Variants in NOTCH2NLR observed in about 807,000 individuals in gnomAD.
The protein encoded by NOTCH2NLR is notch 2 N-terminal like R, also known as notch 2 N-terminal like R (pseudogene).
Under a neutral mutation model 35.6 loss-of-function variants are expected in NOTCH2NLR, and 33 were observed. That is an observed-to-expected ratio of 0.93 (90% CI 0.70 to 1.24). The LOEUF is 1.24. Ranked by LOEUF, NOTCH2NLR falls within the 50% of genes most tolerant of loss-of-function variation. The pLI is 0.00. For missense variants in NOTCH2NLR, 276 were observed against 362.2 expected, an observed-to-expected ratio of 0.76 and a Z score of 1.93; for synonymous variants, 103 against 141.0, an observed-to-expected ratio of 0.73 and a Z score of 1.91.
chr1:120,763,603 A>G lies in NOTCH2NLR; in HGVS notation c.74-25A>G. The G allele has an allele frequency of 1.9e-6, 2 of 1,079,780 alleles. 1 individual carries two copies. The highest frequency in any genetic ancestry group is 5.0e-5 in the East Asian group (2 of 40,320). 66.9% of individuals were successfully genotyped at this position (1,079,780 alleles called of 1,614,324 possible). A position where few individuals can be genotyped will look rare whatever the true frequency, so the allele number is the denominator to read the frequency against. ...GGGTTATGATTAGTGACTTACTTCT[A>G]ATGTGCATTTGTTTTTATTTTTAGC... On this transcript the variant is annotated intron_variant, in intron 1 of 4. Transcript: ENST00000624419.
At chr1:120,784,204 G>A (rs1651397014) in intron 2 of NOTCH2NLR, among the ~76,000 whole-genome samples, 1 of 118,322 alleles carries the variant, frequency 8.5e-6, no homozygotes, top group African/African-American at 4.9e-5. Flanking sequence ...ATTTTAAATA[G>A]AAATCAAACT....
In NOTCH2NLR at chr1:120,767,744, C is replaced by G. The variant is rs1380745875; in HGVS notation, c.155+4035C>G. Among the ~76,000 whole-genome samples, 3 of 115,896 alleles carry G rather than the reference C, an allele frequency of 2.6e-5. 1 individual carries two copies. Among genetic ancestry groups the G allele is most frequent in the Non-Finnish European group, 4.9e-5 (3 of 60,796 alleles). 76.0% of individuals were successfully genotyped at this position (115,896 alleles called of 152,430 possible). Reference sequence around the variant, plus strand: ...ATCACTTTCAAGTTGTTGTTTGCTTCAGACTTTCAAATATAAACCATTCTA... The same window carrying G: ...ATCACTTTCAAGTTGTTGTTTGCTTGAGACTTTCAAATATAAACCATTCTA... On this transcript the variant is annotated intron_variant, in intron 2 of 4. Transcript: ENST00000624419.
rs2101387277 is a variant in NOTCH2NLR at position 120,754,389 on chromosome 1, A to G, written c.74-9239A>G. Among the ~76,000 whole-genome samples the G allele has an allele frequency of 4.7e-5, 2 of 42,888 alleles. 1 individual carries two copies. Among genetic ancestry groups the G allele is most frequent in the East Asian group, 1.1e-3 (2 of 1,886 alleles). 28.1% of individuals were successfully genotyped at this position (42,888 alleles called of 152,430 possible). A position where few individuals can be genotyped will look rare whatever the true frequency, so the allele number is the denominator to read the frequency against. Reference sequence around the variant, plus strand: ...TGACCACTAAGCAGCACACAAATATATAGCACTTTTTGTAGAGAATAATTA... The same window carrying G: ...TGACCACTAAGCAGCACACAAATATGTAGCACTTTTTGTAGAGAATAATTA... On this transcript the variant is annotated intron_variant, in intron 1 of 4. Coordinates refer to ENST00000624419, the Ensembl canonical transcript of NOTCH2NLR.
rs1291439948 is a variant in NOTCH2NLR at position 120,743,822 on chromosome 1, C to T, written c.73+19572C>T. Among the ~76,000 whole-genome samples the T allele has an allele frequency of 2.0e-3, 251 of 127,438 alleles. 56 individuals are homozygous for T. Among genetic ancestry groups the T allele is most frequent in the African/African-American group, 8.2e-3 (248 of 30,148 alleles). The allele number at this position is 127,438 out of a possible 152,430, so 83.6% of individuals were successfully genotyped here. Reference sequence around the variant, plus strand: ...TGTGCTTAGATAAAAGCACATTTAACAAATAGGTTTTGCATTTTTTTAGCA... The same window carrying T: ...TGTGCTTAGATAAAAGCACATTTAATAAATAGGTTTTGCATTTTTTTAGCA... On this transcript the variant is annotated intron_variant, in intron 1 of 4. Transcript: ENST00000624419.
In NOTCH2NLR at chr1:120,777,324, A is replaced by C. The variant is rs1415432858; in HGVS notation, c.156-7650A>C. On this transcript the variant is annotated intron_variant, in intron 2 of 4. Coordinates refer to ENST00000624419, the Ensembl canonical transcript of NOTCH2NLR. ...GGGAACCAAGATTAACATTTTCTGA[A>C]ATACTTCTACAAGAAAAGCAGAAAT... Among the ~76,000 whole-genome samples, 3 of 27,994 alleles carry C rather than the reference A, an allele frequency of 1.1e-4. No homozygotes were observed. In the Admixed American group the frequency reaches 1.4e-3, roughly 13 times the overall value. 18.4% of individuals were successfully genotyped at this position (27,994 alleles called of 152,430 possible).
At position 120,763,488 on chromosome 1, in the gene NOTCH2NLR, A is replaced by G. The variant is rs1651155145; in HGVS notation, c.74-140A>G. 8.8e-6 allele frequency: 4 copies of G among 453,870 alleles called. 1 individual carries two copies. The highest frequency in any genetic ancestry group is 3.9e-6 in the Non-Finnish European group (1 of 256,754). 28.1% of individuals were successfully genotyped at this position (453,870 alleles called of 1,614,324 possible). On this transcript the variant is annotated intron_variant, in intron 1 of 4. Coordinates refer to ENST00000624419, the Ensembl canonical transcript of NOTCH2NLR. Reference sequence around the variant, plus strand: ...GGGCTTCTGTGCTAGAAGCCAGAACATAAAAAACTGATTAAAACTCTAAAA... The same window carrying G: ...GGGCTTCTGTGCTAGAAGCCAGAACGTAAAAAACTGATTAAAACTCTAAAA...
At chr1:120,793,528 G>T (rs1387329343) in intron 4 of NOTCH2NLR, 32 bp downstream of exon 4, 1 of 1,131,564 alleles carries the variant, frequency 8.8e-7, no homozygotes, top group Non-Finnish European at 1.2e-6. Flanking sequence ...CAGGATTAGG[G>T]GACAAACCCC....
chr1:120,756,353 G>C (rs1651079911), intron 1 of NOTCH2NLR, among the ~76,000 whole-genome samples: 1 of 117,544 alleles, frequency 8.5e-6, no homozygotes, highest in South Asian at 2.5e-4. Context: ...ATTGCTACTT[G>C]AAATTTGCAT....
At chr1:120,745,252 A>C (rs1650969070) in intron 1 of NOTCH2NLR, among the ~76,000 whole-genome samples, 2 of 107,748 alleles carry the variant, frequency 1.9e-5, no homozygotes, top group South Asian at 5.3e-4. Context: ...ATGGGTCATG[A>C]AACCAATTTG....
chr1:120,724,786 C>T (rs1206086037), intron 1 of NOTCH2NLR, among the ~76,000 whole-genome samples: 2 of 106,406 alleles, frequency 1.9e-5, no homozygotes, highest in East Asian at 2.2e-4. Context: ...GGTTTTGCGG[C>T]GCGCCTGAGT....
At chr1:120,734,216 A>G (rs1650891692) in intron 1 of NOTCH2NLR, among the ~76,000 whole-genome samples, 1 of 8,056 alleles carries the variant, frequency 1.2e-4, no homozygotes, top group Non-Finnish European at 2.0e-4. Context: ...TCTATGCTGA[A>G]GCCCTGCAGG....
At chr1:120,790,010 CTTTTTTT>C (rs1174501165) in intron 3 of NOTCH2NLR, among the ~76,000 whole-genome samples, 1 of 34,940 alleles carries the variant, frequency 2.9e-5, no homozygotes, top group Non-Finnish European at 5.0e-5. Flanking sequence ...TTCTGATCAC[CTTTTTTT>C]TTTTTTTTTT....
intron 1 of NOTCH2NLR, among the ~76,000 whole-genome samples, chr1:120,725,969 G>A (rs1650810038): frequency 9.2e-6 from 1 of 108,930 alleles, no homozygotes; most frequent in Non-Finnish European, 1.7e-5. Context: ...AACTTGTTTT[G>A]GTAAATAACT....
intron 1 of NOTCH2NLR, among the ~76,000 whole-genome samples, chr1:120,759,901 A>G (rs1651115447): frequency 9.5e-6 from 1 of 105,650 alleles, no homozygotes; most frequent in South Asian, 2.7e-4. Flanking sequence ...ACTCTATGCA[A>G]TATATCTCAA....
chr1:120,769,628 T>C lies in NOTCH2NLR; in HGVS notation c.155+5919T>C, dbSNP rs1282777147. ...CATAGAGTAATCTTTTCTTAAAATG[T>C]AATGTGTTCAGGTTTTATTAATTCA... On this transcript the variant is annotated intron_variant, in intron 2 of 4. Coordinates refer to ENST00000624419, the Ensembl canonical transcript of NOTCH2NLR. 1.6e-5 allele frequency among the ~76,000 whole-genome samples: 2 copies of C among 122,382 alleles called. 1 individual carries two copies. The highest frequency in any genetic ancestry group is 1.6e-4 in the Admixed American group (2 of 12,834). The allele number at this position is 122,382 out of a possible 152,430, so 80.3% of individuals were successfully genotyped here.
At chr1:120,770,248 C>T (rs1441763543) in intron 2 of NOTCH2NLR, among the ~76,000 whole-genome samples, 1 of 104,160 alleles carries the variant, frequency 9.6e-6, no homozygotes, top group South Asian at 2.9e-4. Flanking sequence ...TGGCTCACTG[C>T]AAGCTCCGCC....
At position 120,770,326 on chromosome 1, in the gene NOTCH2NLR, C is replaced by T. The variant is rs1222679303; in HGVS notation, c.155+6617C>T. 1.1e-4 allele frequency among the ~76,000 whole-genome samples: 12 copies of T among 108,062 alleles called. 1 individual carries two copies. Among genetic ancestry groups the T allele is most frequent in the Non-Finnish European group, 1.2e-4 (7 of 57,910 alleles). 70.9% of individuals were successfully genotyped at this position (108,062 alleles called of 152,430 possible). On this transcript the variant is annotated intron_variant, in intron 2 of 4. Coordinates refer to ENST00000624419, the Ensembl canonical transcript of NOTCH2NLR. ...CCGGGACTATAAGCGCCCGCCACCACGCCCGGCTAATTTTTTGTATTTTTA... is the reference window on the plus strand; with the variant it reads ...CCGGGACTATAAGCGCCCGCCACCATGCCCGGCTAATTTTTTGTATTTTTA...
chr1:120,745,134 C>CAA (rs1287143211), intron 1 of NOTCH2NLR, among the ~76,000 whole-genome samples: 4 of 82,296 alleles, frequency 4.9e-5, no homozygotes, highest in Non-Finnish European at 4.3e-5. Context: ...AAAAAAAAAA[C>CAA]AAAAAAAAAA....
chr1:120,794,216 G>A (rs1651529864), downstream of NOTCH2NLR, among the ~76,000 whole-genome samples: 1 of 115,562 alleles, frequency 8.7e-6, no homozygotes, highest in Admixed American at 8.3e-5. Flanking sequence ...ACAACCCAAA[G>A]ATAGAAATAA....
Sources: gnomAD v4.1 joint callset for allele counts (sites outside exome capture counted in the v4.1 genomes callset) on GRCh38, gnomAD v4.1.1 for gene constraint, MANE v1.5 for transcripts, NCBI Gene and HGNC (gene_info 2026-07-23, HGNC 2026-07-21) for gene names.